The following AGBL1 variants were observed in gnomAD, a reference collection of about 807,000 sequenced individuals.
AGBL1 encodes cytosolic carboxypeptidase 4.
AGBL1 carries 130 observed loss-of-function variants against 118.9 expected under a neutral mutation model. The observed-to-expected ratio is 1.09, with a 90% CI of 0.95 to 1.26. The LOEUF (loss-of-function observed/expected upper bound fraction) is 1.26, where lower values mean the gene tolerates loss of function less well. Ranked by LOEUF, AGBL1 falls within the 50% of genes most tolerant of loss-of-function variation. The pLI is 0.00. For synonymous variants in AGBL1, 555 were observed against 478.9 expected (o/e 1.16, Z -2.08); for missense variants, 1,584 against 1,298.1 (o/e 1.22, Z -3.38).
intron 1 of AGBL1, among the ~76,000 whole-genome samples, chr15:86,121,594 CAAT>C (rs1208604141): frequency 6.6e-6 from 1 of 152,180 alleles, no homozygotes; most frequent in Non-Finnish European, 1.5e-5. Flanking sequence ...ATGTACTCGA[CAAT>C]AGTCATATTA....
chr15:86,489,693 C>A (rs374209003), intron 18 of AGBL1, among the ~76,000 whole-genome samples: 1 of 152,062 alleles, frequency 6.6e-6, no homozygotes, highest in Admixed American at 6.6e-5. Context: ...TTGACAATAG[C>A]GGAGCTAACT....
intron 18 of AGBL1, among the ~76,000 whole-genome samples, chr15:86,436,089 C>CTTT (rs35296563): frequency 2.1e-4 from 23 of 111,538 alleles, no homozygotes; most frequent in South Asian, 6.3e-4. Flanking sequence ...CCTTTCCTCT[C>CTTT]TTTTTTTTTT....
intron 22 of AGBL1, among the ~76,000 whole-genome samples, chr15:86,883,101 C>T (rs1316971308): frequency 1.3e-5 from 2 of 152,132 alleles, no homozygotes; most frequent in African/African-American, 2.4e-5. Flanking sequence ...ATTATATCCT[C>T]ATTAATAGAT....
intron 22 of AGBL1, among the ~76,000 whole-genome samples, chr15:86,705,084 G>A (rs2086424393): frequency 1.3e-5 from 2 of 152,098 alleles, no homozygotes; most frequent in Non-Finnish European, 2.9e-5. Context: ...GTCGAACAAA[G>A]AGAACACATG....
intron 23 of AGBL1, among the ~76,000 whole-genome samples, chr15:86,974,449 A>G (rs1458247790): frequency 7.8e-6 from 1 of 128,780 alleles, no homozygotes; most frequent in African/African-American, 3.0e-5. Context: ...AACATATTTT[A>G]TATATTGAAT....
chr15:86,632,403 A>G (rs954563575), intron 21 of AGBL1, among the ~76,000 whole-genome samples: 2 of 152,052 alleles, frequency 1.3e-5, no homozygotes, highest in African/African-American at 4.8e-5. Flanking sequence ...AGATTTCACC[A>G]TTGCACTCCA....
intron 21 of AGBL1, among the ~76,000 whole-genome samples, chr15:86,582,860 G>A (rs2084189976): frequency 6.8e-6 from 1 of 147,132 alleles, no homozygotes; most frequent in Non-Finnish European, 1.5e-5. Context: ...GGAGACTGTT[G>A]TGGGGTTGGG....
chr15:86,713,802 G>A (rs528631144), intron 22 of AGBL1, among the ~76,000 whole-genome samples: 1 of 151,498 alleles, frequency 6.6e-6, no homozygotes, highest in Non-Finnish European at 1.5e-5. Context: ...TTTTTCCCAT[G>A]AATCTACTAA....
chr15:86,342,145 C>T (rs945531609), intron 17 of AGBL1, among the ~76,000 whole-genome samples: 28 of 152,156 alleles, frequency 1.8e-4, no homozygotes, highest in African/African-American at 6.3e-4. Context: ...TATCTAACAT[C>T]CTTTTTTTAC....
At chr15:86,648,202 G>A (rs1047708290) in intron 21 of AGBL1, among the ~76,000 whole-genome samples, 1 of 152,132 alleles carries the variant, frequency 6.6e-6, no homozygotes, top group African/African-American at 2.4e-5. Flanking sequence ...GGGATGTTGT[G>A]GGGGAGGACA....
chr15:86,784,791 C>T (rs76056080), intron 22 of AGBL1, among the ~76,000 whole-genome samples: 6 of 152,148 alleles, frequency 3.9e-5, no homozygotes, highest in East Asian at 3.9e-4. Context: ...AGCTATAGCC[C>T]GAGTTCCTAC....
At chr15:86,797,403 G>A (rs2141342390) in intron 22 of AGBL1, among the ~76,000 whole-genome samples, 1 of 152,302 alleles carries the variant, frequency 6.6e-6, no homozygotes, top group African/African-American at 2.4e-5. Flanking sequence ...TTTCAAAAAA[G>A]GAGCAGAACC....
At chr15:86,297,717 T>A (rs2079668586) in intron 17 of AGBL1, among the ~76,000 whole-genome samples, 1 of 152,186 alleles carries the variant, frequency 6.6e-6, no homozygotes, top group Non-Finnish European at 1.5e-5. Flanking sequence ...TCATGGGGAT[T>A]AATTTCAGGA....
intron 22 of AGBL1, among the ~76,000 whole-genome samples, chr15:86,813,999 A>C (rs2078826380): frequency 6.6e-6 from 1 of 152,170 alleles, no homozygotes; most frequent in Admixed American, 6.5e-5. Context: ...CTCATCTGCC[A>C]ACTGCTCTGG....
chr15:86,510,391 T>C (rs2083039961), intron 18 of AGBL1, among the ~76,000 whole-genome samples: 1 of 151,956 alleles, frequency 6.6e-6, no homozygotes, highest in Admixed American at 6.6e-5. Context: ...AGAAGGCTCT[T>C]AGGCATAGAA....
At chr15:86,819,295 A>C (rs1382901480) in intron 22 of AGBL1, among the ~76,000 whole-genome samples, 1 of 152,088 alleles carries the variant, frequency 6.6e-6, no homozygotes, top group Non-Finnish European at 1.5e-5. Context: ...GAGGTACACA[A>C]AGATAAGGAG....
At chr15:86,490,176 T>C (rs1282340642) in intron 18 of AGBL1, among the ~76,000 whole-genome samples, 1 of 152,062 alleles carries the variant, frequency 6.6e-6, no homozygotes, top group African/African-American at 2.4e-5. Flanking sequence ...TCTTTACACT[T>C]GAGAAGTTAC....
rs1302289823 is a variant in AGBL1 at position 86,613,361 on chromosome 15, G to A, written c.2994+58824G>A. Among the ~76,000 whole-genome samples the A allele has an allele frequency of 6.6e-6, 1 of 152,192 alleles. No individual in the cohort carries two copies. On this transcript the variant is annotated intron_variant, in intron 21 of 22. Transcript: ENST00000614907. This position sits in a 1 kb window ranked among gnomAD's most constrained non-coding sequence, Gnocchi z 4.2. ...TTAGCTGGATCTAATGGGGCAGTAG[G>A]ACACCGGTTGGTGCGTGGACAGTTA...
intron 17 of AGBL1, among the ~76,000 whole-genome samples, chr15:86,344,578 G>T (rs987921506): frequency 7.9e-5 from 12 of 151,778 alleles, no homozygotes; most frequent in African/African-American, 2.9e-4. Context: ...GAGGTTGATG[G>T]TCCTGGGTTG....
Sources: gnomAD v4.1 joint callset for allele counts (sites outside exome capture counted in the v4.1 genomes callset) on GRCh38, gnomAD v4.1.1 for gene constraint, Gnocchi (gnomAD v3.1) non-coding constraint, MANE v1.5 for transcripts, NCBI Gene and HGNC (gene_info 2026-07-23, HGNC 2026-07-21) for gene names.